Variants in LCLAT1 observed in about 807,000 individuals in gnomAD.
LCLAT1 encodes 1-AGP acyltransferase 8.
In LCLAT1, 11 loss-of-function variants were observed where a neutral mutation model predicts 30.7. The observed-to-expected ratio is 0.36, with a 90% CI of 0.23 to 0.59. The LOEUF (loss-of-function observed/expected upper bound fraction) is 0.59. Ranked by LOEUF, LCLAT1 falls within the 20% of genes least tolerant of loss-of-function variation. The probability of loss-of-function intolerance (pLI) is 0.77; values close to 1 mark genes in which losing one functional copy is unlikely to be tolerated. For synonymous variants in LCLAT1, 155 were observed against 151.3 expected (o/e 1.02, Z -0.18); for missense variants, 402 against 458.6 (o/e 0.88, Z 1.13).
At chr2:30,493,929 G>A (rs1283164448) in intron 1 of LCLAT1, among the ~76,000 whole-genome samples, 2 of 152,254 alleles carry the variant, frequency 1.3e-5, no homozygotes, top group African/African-American at 4.8e-5. Context: ...GAGGTGGTAG[G>A]ATCTCTTGAG....
At chr2:30,580,356 A>T (rs1158926968) in intron 5 of LCLAT1, among the ~76,000 whole-genome samples, 1 of 152,186 alleles carries the variant, frequency 6.6e-6, no homozygotes, top group Non-Finnish European at 1.5e-5. Context: ...TCAGCGGTTT[A>T]TCTGGATTTT....
intron 1 of LCLAT1, among the ~76,000 whole-genome samples, chr2:30,493,532 T>C (rs1398252121): frequency 6.6e-6 from 1 of 152,204 alleles, no homozygotes; most frequent in African/African-American, 2.4e-5. Flanking sequence ...GAAGTGCAGT[T>C]AAATTTTTTT....
intron 1 of LCLAT1, among the ~76,000 whole-genome samples, chr2:30,452,199 G>A (rs2148254742): frequency 6.6e-6 from 1 of 152,052 alleles, no homozygotes; most frequent in South Asian, 2.1e-4. Context: ...AAAATATGAG[G>A]ATTGTGCACT....
chr2:30,578,707 A>G (rs568427853), intron 5 of LCLAT1, among the ~76,000 whole-genome samples: 1 of 152,172 alleles, frequency 6.6e-6, no homozygotes. Context: ...TAGAAGATCT[A>G]CCAACTTGAC....
chr2:30,642,540 G>C lies in LCLAT1; in HGVS notation c.*1921G>C, dbSNP rs370880037. On this transcript the variant is annotated 3_prime_UTR_variant, in exon 6 of 6. Coordinates refer to ENST00000379509, the MANE Select transcript of LCLAT1 (RefSeq NM_001002257.3). ...TAGTTTTATAATCAGGATTGCATTT[G>C]TGCTGGGTAAAAGAGGAGAGCTGTG... 6.6e-5 allele frequency: 10 copies of C among 151,704 alleles called. 1 individual carries two copies. The highest frequency in any genetic ancestry group is 2.4e-4 in the African/African-American group (10 of 41,356). The allele number at this position is 151,704 out of a possible 1,614,324, so 9.4% of individuals were successfully genotyped here. A position where few individuals can be genotyped will look rare whatever the true frequency, so the allele number is the denominator to read the frequency against.
chr2:30,559,836 T>G (rs946072731), intron 3 of LCLAT1, among the ~76,000 whole-genome samples: 2 of 152,258 alleles, frequency 1.3e-5, no homozygotes, highest in Non-Finnish European at 2.9e-5. Flanking sequence ...GGAACTCTTT[T>G]GTTACATTTT....
intron 1 of LCLAT1, among the ~76,000 whole-genome samples, chr2:30,513,470 T>C (rs1187971381): frequency 6.6e-6 from 1 of 152,208 alleles, no homozygotes; most frequent in Non-Finnish European, 1.5e-5. Flanking sequence ...GTGTGTACTT[T>C]ATTGACCCCT....
At chr2:30,548,814 T>C (rs1432041624) in intron 3 of LCLAT1, among the ~76,000 whole-genome samples, 2 of 152,206 alleles carry the variant, frequency 1.3e-5, no homozygotes, top group Non-Finnish European at 2.9e-5. Flanking sequence ...TCCCTTGTTA[T>C]GCCTGAGTAA....
intron 5 of LCLAT1, among the ~76,000 whole-genome samples, chr2:30,621,756 T>C (rs1668261366): frequency 1.3e-5 from 2 of 152,058 alleles, no homozygotes; most frequent in Non-Finnish European, 2.9e-5. Context: ...CTGTGGGTAC[T>C]CTCATTCCCA....
At chr2:30,550,085 T>G (rs1664613143) in intron 3 of LCLAT1, among the ~76,000 whole-genome samples, 1 of 152,194 alleles carries the variant, frequency 6.6e-6, no homozygotes, top group Non-Finnish European at 1.5e-5. Context: ...TAGGCCTTGA[T>G]TTTGAATGGA....
At chr2:30,585,710 C>T (rs947567253) in intron 5 of LCLAT1, among the ~76,000 whole-genome samples, 5 of 152,122 alleles carry the variant, frequency 3.3e-5, no homozygotes, top group African/African-American at 1.2e-4. Context: ...ACTCTGTGGT[C>T]CATTGTTTAA....
chr2:30,536,388 G>T (rs1052206521), intron 3 of LCLAT1, among the ~76,000 whole-genome samples: 1 of 152,214 alleles, frequency 6.6e-6, no homozygotes, highest in African/African-American at 2.4e-5. Context: ...AACAGCTAGA[G>T]AAAGGTGTCG....
intron 1 of LCLAT1, among the ~76,000 whole-genome samples, chr2:30,486,638 A>G (rs1427352838): frequency 6.6e-6 from 1 of 152,152 alleles, no homozygotes; most frequent in Non-Finnish European, 1.5e-5. Flanking sequence ...TCCTACCAGA[A>G]TTTGTTCTTT....
At chr2:30,527,433 A>G (rs1685771240) in intron 2 of LCLAT1, among the ~76,000 whole-genome samples, 1 of 152,226 alleles carries the variant, frequency 6.6e-6, no homozygotes, top group African/African-American at 2.4e-5. Flanking sequence ...TTAATTATGA[A>G]CCACACATTT....
At chr2:30,527,641 A>G (rs532998180) in intron 2 of LCLAT1, among the ~76,000 whole-genome samples, 10 of 152,306 alleles carry the variant, frequency 6.6e-5, no homozygotes, top group African/African-American at 2.4e-4. Flanking sequence ...GAACTTGGCT[A>G]AGCTCCTTAG....
intron 4 of LCLAT1, among the ~76,000 whole-genome samples, chr2:30,566,974 T>TTAAC (rs775779251): frequency 4.6e-5 from 7 of 152,234 alleles, no homozygotes; most frequent in African/African-American, 7.2e-5. Context: ...GTTAGTAATA[T>TTAAC]TAACATACTC....
chr2:30,605,788 C>T (rs1056049520), intron 5 of LCLAT1, among the ~76,000 whole-genome samples: 1 of 152,110 alleles, frequency 6.6e-6, no homozygotes, highest in Non-Finnish European at 1.5e-5. Context: ...CAGTGGTCCC[C>T]AACCTTTTTG....
rs561040500 is a variant in LCLAT1, at chr2:30,544,774, C to T, written c.364+11460C>T. Among the ~76,000 whole-genome samples the T allele has an allele frequency of 9.2e-5, 14 of 152,250 alleles. 1 individual carries two copies. In the South Asian group the frequency reaches 2.1e-3, roughly 23 times the overall value. On this transcript the variant is annotated intron_variant, in intron 3 of 5. Coordinates refer to ENST00000379509, the MANE Select transcript of LCLAT1 (RefSeq NM_001002257.3). ...GTGGATACACCCTCCTACCCCTTAC[C>T]TTACAGAAATCCGTATTAGACTTAA...
intron 1 of LCLAT1, among the ~76,000 whole-genome samples, chr2:30,524,727 T>G (rs1393421048): frequency 6.7e-6 from 1 of 149,208 alleles, no homozygotes; most frequent in African/African-American, 2.4e-5. Context: ...GCAGTGCTTG[T>G]GTTCAAGGAA....
Sources: gnomAD v4.1 joint callset for allele counts (sites outside exome capture counted in the v4.1 genomes callset) on GRCh38, gnomAD v4.1.1 for gene constraint, MANE v1.5 for transcripts, NCBI Gene and HGNC (gene_info 2026-07-23, HGNC 2026-07-21) for gene names.